The following EARS2 variants were observed in gnomAD, a reference collection of about 807,000 sequenced individuals.
The protein encoded by EARS2 is glutamyl-tRNA synthetase 2, mitochondrial.
In EARS2, 50 loss-of-function variants were observed where a neutral mutation model predicts 54.1. That is an observed-to-expected ratio of 0.92 (90% CI 0.74 to 1.17). EARS2 has a LOEUF of 1.17. Ranked by LOEUF, EARS2 falls within the 50% of genes most tolerant of loss-of-function variation. The pLI is 0.00. For missense variants in EARS2, 673 were observed against 675.0 expected (o/e 1.00, Z 0.03); for synonymous variants, 298 against 281.0 (o/e 1.06, Z -0.61).
At chr16:23,531,543 G>A (rs537623808) in intron 5 of EARS2, among the ~76,000 whole-genome samples, 1 of 152,218 alleles carries the variant, frequency 6.6e-6, no homozygotes, top group East Asian at 1.9e-4. Flanking sequence ...TTACAGGTGT[G>A]AGCCACCATG....
intron 3 of EARS2, among the ~76,000 whole-genome samples, chr16:23,541,167 AAATAC>A (rs1324018569): frequency 2.6e-5 from 4 of 152,026 alleles, no homozygotes; most frequent in African/African-American, 9.7e-5. Context: ...TCTACCAAAA[AAATAC>A]AAAAATTAGC....
intron 3 of EARS2, among the ~76,000 whole-genome samples, chr16:23,543,730 CAAAAAAAAAA>C (rs565590236): frequency 1.7e-5 from 1 of 58,822 alleles, no homozygotes; most frequent in Admixed American, 1.8e-4. Context: ...GAGACTGTCT[CAAAAAAAAAA>C]AAAAAAAGCC....
At chr16:23,545,653 G>A (rs1231221697) in intron 2 of EARS2, among the ~76,000 whole-genome samples, 1 of 152,242 alleles carries the variant, frequency 6.6e-6, no homozygotes, top group East Asian at 1.9e-4. Context: ...TTACACTGCT[G>A]TTTGTGTTAC....
rs1965165910 is a variant in EARS2, at chr16:23,523,031, C to T, written c.*1340G>A. ...GCGATCAAAGAAAACAAGACAGAAGCCACGATGTATTTTATGACTTACCCT... is the reference window on the plus strand; with the variant it reads ...GCGATCAAAGAAAACAAGACAGAAGTCACGATGTATTTTATGACTTACCCT... On this transcript the variant is annotated 3_prime_UTR_variant, in exon 9 of 9. Transcript: ENST00000449606. 1 of 152,342 alleles carries T rather than the reference C, an allele frequency of 6.6e-6. No homozygotes were observed. The highest frequency in any genetic ancestry group is 2.1e-4 in the South Asian group (1 of 4,828). The allele number at this position is 152,342 out of a possible 1,614,324, so 9.4% of individuals were successfully genotyped here.
In EARS2 at chr16:23,529,460, A is replaced by G. The variant is rs781221918; in HGVS notation, c.1352+42T>C. The G allele has an allele frequency of 3.2e-5, 51 of 1,598,898 alleles. No individual in the cohort carries two copies. The South Asian group carries it at 3.8e-4, about 12-fold the overall frequency. On this transcript the variant is annotated intron_variant, in intron 7 of 8. Transcript: ENST00000449606. ...AGAGAGCCATGGGACAGAGAGAGGGAAGGAGGGTGTGGAACCCTGAGCTCA... is the reference window on the plus strand; with the variant it reads ...AGAGAGCCATGGGACAGAGAGAGGGGAGGAGGGTGTGGAACCCTGAGCTCA...
At position 23,534,944 on chromosome 16, in the gene EARS2, C is replaced by G; in HGVS notation, c.902G>C (p.Gly301Ala). 2.5e-6 allele frequency: 4 copies of G among 1,607,310 alleles called. No individual in the cohort carries two copies. The highest frequency in any genetic ancestry group is 3.4e-6 in the Non-Finnish European group (4 of 1,175,624). ...DVFLEHFAAD[G>A]FLPDSLLDII... is the part of the protein sequence containing the mutation. ...GTCCAACAAGGAATCGGGCAGGAAG[C>G]CATCAGCAGCAAAGTGCTCCAGGAA... Residue 301 changes from glycine (G) to alanine (A), a missense_variant, in exon 4 of 9, where the codon GGC (glycine) becomes GCC (alanine). By Grantham distance (60) the Gly-to-Ala change is moderately conservative (BLOSUM62 0). Transcript: ENST00000449606.
chr16:23,527,639 C>T (rs775590481), intron 7 of EARS2, among the ~76,000 whole-genome samples: 3 of 151,078 alleles, frequency 2.0e-5, no homozygotes, highest in Non-Finnish European at 4.4e-5. Flanking sequence ...CTGCAAGCTC[C>T]GCCTCCCGGA....
At chr16:23,533,041 T>A (rs1207465401) in intron 4 of EARS2, among the ~76,000 whole-genome samples, 3 of 152,120 alleles carry the variant, frequency 2.0e-5, no homozygotes, top group Non-Finnish European at 2.9e-5. Context: ...AATACCAGCA[T>A]TTTGGGAGGC....
At chr16:23,536,700 TGA>T (rs1965425227) in intron 3 of EARS2, among the ~76,000 whole-genome samples, 1 of 148,496 alleles carries the variant, frequency 6.7e-6, no homozygotes, top group Admixed American at 6.7e-5. Context: ...TTTTTTTTTT[TGA>T]GATAGAGTCT....
In EARS2 at chr16:23,525,313, TGATA is replaced by T; in HGVS notation, c.1415_1418del (p.Leu472GlnfsTer12). ...TGTACTTGGTGCCTTCCAGACCTTCTGATAGCTTCTTCAGTTCTCCATTCAGCAT... is the reference window on the plus strand; with the variant it reads ...TGTACTTGGTGCCTTCCAGACCTTCTGCTTCTTCAGTTCTCCATTCAGCAT... On this transcript the variant is annotated frameshift_variant, in exon 8 of 9. Transcript: ENST00000449606. LOFTEE classifies it high-confidence loss of function. The T allele has an allele frequency of 6.2e-7, 1 of 1,614,166 alleles. No individual in the cohort carries two copies. Among genetic ancestry groups the T allele is most frequent in the Non-Finnish European group, 8.5e-7 (1 of 1,180,028 alleles).
intron 2 of EARS2, among the ~76,000 whole-genome samples, chr16:23,548,001 C>T (rs1048213707): frequency 6.6e-6 from 1 of 151,780 alleles, no homozygotes; most frequent in East Asian, 1.9e-4. Context: ...GAGGCTGAGG[C>T]GGGCAGATCA....
At position 23,521,751 on chromosome 16, in the gene EARS2, C is replaced by T. The variant is rs1169096813; in HGVS notation, c.*2620G>A. 2 of 455,836 alleles carry T rather than the reference C, an allele frequency of 4.4e-6. No individual in the cohort carries two copies. The highest frequency in any genetic ancestry group is 8.8e-6 in the Non-Finnish European group (2 of 226,802). 28.2% of individuals were successfully genotyped at this position (455,836 alleles called of 1,614,324 possible). ...ATCCATGTTGTAGATATACCAGAATCGACTTAGTATTTTGACCACTCACTT... is the reference window on the plus strand; with the variant it reads ...ATCCATGTTGTAGATATACCAGAATTGACTTAGTATTTTGACCACTCACTT... On this transcript the variant is annotated 3_prime_UTR_variant, in exon 9 of 9. Transcript: ENST00000449606.
At chr16:23,536,705 T>TA (rs1381357789) in intron 3 of EARS2, among the ~76,000 whole-genome samples, 1 of 142,404 alleles carries the variant, frequency 7.0e-6, no homozygotes, top group Non-Finnish European at 1.5e-5. Flanking sequence ...TTTTTTGAGA[T>TA]AGAGTCTCGC....
chr16:23,521,854 A>G lies in EARS2; in HGVS notation c.*2517T>C. The G allele has an allele frequency of 2.2e-6, 1 of 456,076 alleles. No individual in the cohort carries two copies. Among genetic ancestry groups the G allele is most frequent in the South Asian group, 1.5e-5 (1 of 64,558 alleles). 28.3% of individuals were successfully genotyped at this position (456,076 alleles called of 1,614,324 possible). A position where few individuals can be genotyped will look rare whatever the true frequency, so the allele number is the denominator to read the frequency against. On this transcript the variant is annotated 3_prime_UTR_variant, in exon 9 of 9. Transcript: ENST00000449606. ...TAATGTCTTAGAAACAGATGCTCTG[A>G]CAACACTCAGTAGATCAGAGTTAAG...
chr16:23,535,778 T>C (rs796672795), intron 3 of EARS2, among the ~76,000 whole-genome samples: 4 of 152,214 alleles, frequency 2.6e-5, no homozygotes, highest in African/African-American at 7.2e-5. Context: ...GGTTTTTCTC[T>C]CCAAAGGACA....
At chr16:23,552,011 G>C in intron 2 of EARS2, 138 bp downstream of exon 2, 1 of 1,047,180 alleles carries the variant, frequency 9.5e-7, no homozygotes, top group South Asian at 1.6e-5. Flanking sequence ...CTGCCACCCC[G>C]GGCAGGGCAG....
At chr16:23,532,810 C>T in intron 4 of EARS2, 45 bp from the exon 5 acceptor site, 1 of 1,361,052 alleles carries the variant, frequency 7.3e-7, no homozygotes, top group African/African-American at 1.4e-5. Flanking sequence ...TCTCTCCCTT[C>T]CTCCTTCCAC....
At chr16:23,555,103 G>C (rs1034729593) in intron 1 of EARS2, among the ~76,000 whole-genome samples, 1 of 152,104 alleles carries the variant, frequency 6.6e-6, no homozygotes, top group Non-Finnish European at 1.5e-5. Context: ...TAAGTGGTTC[G>C]GCTGCATGAG....
At position 23,557,285 on chromosome 16, in the gene EARS2, C is replaced by T. The variant is rs1008773791; in HGVS notation, c.59G>A (p.Arg20His). The change falls in exon 1 of 9, where the codon CGC (arginine) becomes CAC (histidine). Residue 20 changes from arginine to histidine, a missense_variant. Coordinates refer to ENST00000449606, the MANE Select transcript of EARS2 (RefSeq NM_001083614.2). ...QRERPSAASGRPVGRREANLG... is the reference protein window; with the variant it reads ...QRERPSAASGHPVGRREANLG... ...GTTGGCCTCGCGCCGTCCTACGGGG[C>T]GGCCAGAGGCCGCCGAAGGCCTCTC... is the stretch of plus-strand genomic sequence containing the variant. 2 of 1,514,052 alleles carry T rather than the reference C, an allele frequency of 1.3e-6. No homozygotes were observed. Among genetic ancestry groups the T allele is most frequent in the Admixed American group, 2.4e-5 (1 of 41,782 alleles). 93.8% of individuals were successfully genotyped at this position (1,514,052 alleles called of 1,614,324 possible). A position where few individuals can be genotyped will look rare whatever the true frequency, so the allele number is the denominator to read the frequency against.
Sources: gnomAD v4.1 joint callset for allele counts (sites outside exome capture counted in the v4.1 genomes callset) on GRCh38, gnomAD v4.1.1 for gene constraint, MANE v1.5 for transcripts, NCBI Gene and HGNC (gene_info 2026-07-23, HGNC 2026-07-21) for gene names.